The following NOXRED1 variants were observed in gnomAD, a reference collection of about 807,000 sequenced individuals.
NOXRED1 encodes the protein NADP-dependent oxidoreductase domain-containing protein 1.
Under a neutral mutation model 30.4 loss-of-function variants are expected in NOXRED1, and 20 were observed. The observed-to-expected ratio is 0.66, with a 90% CI of 0.46 to 0.96. The LOEUF (loss-of-function observed/expected upper bound fraction) is 0.96, where lower values mean the gene tolerates loss of function less well. Ranked by LOEUF, NOXRED1 falls within the 40% of genes least tolerant of loss-of-function variation. The pLI, the probability that NOXRED1 is intolerant of heterozygous loss-of-function variation, is 0.00. For missense variants in NOXRED1, 374 were observed against 428.0 expected (o/e 0.87, Z 1.11); for synonymous variants, 155 against 168.0 (o/e 0.92, Z 0.60).
intron 1 of NOXRED1, among the ~76,000 whole-genome samples, chr14:77,417,275 G>A (rs1594880801): frequency 6.6e-6 from 1 of 152,216 alleles, no homozygotes; most frequent in Non-Finnish European, 1.5e-5. Flanking sequence ...CTGCTGCTGA[G>A]TGGAGTGTTA....
In NOXRED1 at chr14:77,422,974, T is replaced by G; in HGVS notation, c.-85A>C. 1 of 1,137,642 alleles carries G rather than the reference T, an allele frequency of 8.8e-7. No homozygotes were observed. The highest frequency in any genetic ancestry group is 1.3e-6 in the Non-Finnish European group (1 of 782,674). The allele number at this position is 1,137,642 out of a possible 1,614,324, so 70.5% of individuals were successfully genotyped here. A position where few individuals can be genotyped will look rare whatever the true frequency, so the allele number is the denominator to read the frequency against. The stretch of plus-strand genomic sequence containing the variant: ...AGAAGAGGGGTCTATGTAGGAGGTG[T>G]GTGTATGATGGTGTGTGTGCCCAGG... On this transcript the variant is annotated 5_prime_UTR_variant, in exon 1 of 6. Transcript: ENST00000380835.
At chr14:77,403,672 A>G (rs1346193391) in intron 5 of NOXRED1, among the ~76,000 whole-genome samples, 1 of 152,110 alleles carries the variant, frequency 6.6e-6, no homozygotes, top group Non-Finnish European at 1.5e-5. Context: ...AAATAAAAAT[A>G]AAAACAAAAA....
intron 1 of NOXRED1, among the ~76,000 whole-genome samples, chr14:77,416,410 G>C (rs1045722464): frequency 3.0e-4 from 45 of 152,058 alleles, no homozygotes; most frequent in Admixed American, 7.2e-4. Flanking sequence ...GACTCTTAAG[G>C]AGCATGCTGC....
chr14:77,419,070 CTT>C (rs547826435), intron 1 of NOXRED1, among the ~76,000 whole-genome samples: 4 of 139,200 alleles, frequency 2.9e-5, no homozygotes, highest in African/African-American at 2.7e-5. Context: ...CTTTCTTTCT[CTT>C]TTTTTTTTTT....
Position 77,409,814 on chromosome 14 carries a change from T to G in NOXRED1, c.350-2169A>C, listed in dbSNP as rs548013310. Among the ~76,000 whole-genome samples, 1,059 of 152,032 alleles carry G rather than the reference T, an allele frequency of 7.0e-3. 19 individuals carry two copies. The highest frequency in any genetic ancestry group is 0.037 in the South Asian group (179 of 4,818). ...GATAAAGATATATACCTTGAGATTT[T>G]TTTTTTTTTTTTGAGACAGAGTCTT... On this transcript the variant is annotated intron_variant, in intron 2 of 5. Transcript: ENST00000380835.
At chr14:77,414,864 A>T (rs1383256010) in intron 1 of NOXRED1, among the ~76,000 whole-genome samples, 2 of 147,496 alleles carry the variant, frequency 1.4e-5, no homozygotes, top group African/African-American at 4.9e-5. Context: ...ACAGCTTTCA[A>T]TTTTTTTTTT....
At chr14:77,421,078 A>C (rs762812744) in intron 1 of NOXRED1, among the ~76,000 whole-genome samples, 6 of 152,228 alleles carry the variant, frequency 3.9e-5, no homozygotes, top group Non-Finnish European at 7.3e-5. Flanking sequence ...GCAGCCCCCA[A>C]AAAGGCAGAA....
intron 1 of NOXRED1, among the ~76,000 whole-genome samples, chr14:77,415,356 G>C (rs1391761570): frequency 6.6e-6 from 1 of 152,140 alleles, no homozygotes; most frequent in Non-Finnish European, 1.5e-5. Context: ...GATCACTTGA[G>C]GTCAAAAGTT....
At chr14:77,398,336 A>G (rs1451410420) in intron 5 of NOXRED1, among the ~76,000 whole-genome samples, 2 of 152,178 alleles carry the variant, frequency 1.3e-5, no homozygotes, top group Non-Finnish European at 2.9e-5. Flanking sequence ...AGGAAAATAA[A>G]CCATTTTGAA....
intron 5 of NOXRED1, among the ~76,000 whole-genome samples, chr14:77,398,609 A>G (rs1333889099): frequency 1.3e-5 from 2 of 152,146 alleles, no homozygotes; most frequent in Non-Finnish European, 2.9e-5. Context: ...AGGCTCACTC[A>G]AAGACTGAGA....
chr14:77,422,299 T>C (rs1895016888), intron 1 of NOXRED1, among the ~76,000 whole-genome samples: 1 of 152,222 alleles, frequency 6.6e-6, no homozygotes, highest in Admixed American at 6.5e-5. Context: ...AGGAAGTCAC[T>C]GGCACAGGGC....
rs71452847 is a variant in NOXRED1 at position 77,406,634 on chromosome 14, CAGAG to C, written c.682+86_682+89del. 142 of 474,448 alleles carry C rather than the reference CAGAG, an allele frequency of 3.0e-4. 1 individual carries two copies. The African/African-American group carries it at 4.1e-3, about 14-fold the overall frequency. The allele number at this position is 474,448 out of a possible 1,614,324, so 29.4% of individuals were successfully genotyped here. On this transcript the variant is annotated intron_variant, in intron 4 of 5. Transcript: ENST00000380835. ...ACACACACACACACACACACACACA[CAGAG>C]AGAGAGAGATTGATTTAATAAGATA...
chr14:77,406,161 C>T, intron 4 of NOXRED1, 26 bp from the exon 5 acceptor site: 1 of 1,507,736 alleles, frequency 6.6e-7, no homozygotes, highest in South Asian at 1.1e-5. Flanking sequence ...AAGGTAAATA[C>T]CAGTTAGCAC....
rs869173262 is a variant in NOXRED1 at position 77,413,239 on chromosome 14, CTTT to C, written c.349+692_349+694del. 5.1e-5 allele frequency among the ~76,000 whole-genome samples: 7 copies of C among 137,156 alleles called. No homozygotes were observed. The South Asian group carries it at 1.4e-3, about 28-fold the overall frequency. 90.0% of individuals were successfully genotyped at this position (137,156 alleles called of 152,430 possible). On this transcript the variant is annotated intron_variant, in intron 2 of 5. Coordinates refer to ENST00000380835, the MANE Select transcript of NOXRED1 (RefSeq NM_001113475.3). ...CACCATAAATGGAATCATTACAAAACTTTTTTTTTTTTTTTTTTGAGACGGAGT... is the reference window on the plus strand; with the variant it reads ...CACCATAAATGGAATCATTACAAAACTTTTTTTTTTTTTTTGAGACGGAGT...
intron 2 of NOXRED1, among the ~76,000 whole-genome samples, chr14:77,413,210 C>CT (rs948168716): frequency 2.1e-4 from 31 of 150,298 alleles, no homozygotes; most frequent in African/African-American, 7.6e-4. Flanking sequence ...GTTCTGATTT[C>CT]TATCACCATA....
intron 2 of NOXRED1, among the ~76,000 whole-genome samples, chr14:77,409,168 G>T (rs1247015130): frequency 4.6e-5 from 7 of 152,024 alleles, no homozygotes; most frequent in Admixed American, 4.6e-4. Context: ...TAATGCTAAG[G>T]TTATCTAGAT....
upstream of NOXRED1, chr14:77,423,538 G>A (rs1419931646): frequency 6.7e-5 from 1 of 14,922 alleles, no homozygotes; most frequent in African/African-American, 8.4e-5. Flanking sequence ...ACATTTCTAA[G>A]GAGAATTACC....
intron 1 of NOXRED1, among the ~76,000 whole-genome samples, chr14:77,419,127 A>T (rs1894916145): frequency 6.8e-6 from 1 of 147,866 alleles, no homozygotes; most frequent in African/African-American, 2.5e-5. Context: ...GCTGAAGTGC[A>T]GTGGTGCAAT....
At chr14:77,404,901 T>C (rs1894417537) in intron 5 of NOXRED1, among the ~76,000 whole-genome samples, 1 of 152,120 alleles carries the variant, frequency 6.6e-6, no homozygotes, top group Non-Finnish European at 1.5e-5. Flanking sequence ...TTATCAAAGA[T>C]CAAAAATATT....
Sources: gnomAD v4.1 joint callset for allele counts (sites outside exome capture counted in the v4.1 genomes callset) on GRCh38, gnomAD v4.1.1 for gene constraint, MANE v1.5 for transcripts, NCBI Gene and HGNC (gene_info 2026-07-23, HGNC 2026-07-21) for gene names.